Variants in SLC14A2 observed in about 807,000 individuals in gnomAD.
The protein encoded by SLC14A2 is solute carrier family 14 member 2.
A neutral mutation model predicts 104.6 loss-of-function variants in SLC14A2; 91 were observed. The ratio of observed to expected loss-of-function variants is 0.87; its 90% CI spans 0.73 to 1.04. SLC14A2 has a LOEUF of 1.04. Ranked by LOEUF, SLC14A2 falls within the 50% of genes least tolerant of loss-of-function variation. The pLI is 0.00. For missense variants in SLC14A2, 1,189 were observed against 1,156.0 expected, an observed-to-expected ratio of 1.03 and a Z score of -0.41; for synonymous variants, 476 against 466.4, an observed-to-expected ratio of 1.02 and a Z score of -0.27.
chr18:45,297,224 G>T (rs1320305975), intron 1 of SLC14A2, among the ~76,000 whole-genome samples: 1 of 152,176 alleles, frequency 6.6e-6, no homozygotes, highest in Non-Finnish European at 1.5e-5. Context: ...TATTTCTTGA[G>T]GGTACAGCAA....
intron 2 of SLC14A2, among the ~76,000 whole-genome samples, chr18:45,555,537 A>G (rs1363163776): frequency 6.6e-6 from 1 of 152,246 alleles, no homozygotes; most frequent in African/African-American, 2.4e-5. Flanking sequence ...AAAGCTCAAC[A>G]GACTCTTCAT....
intron 1 of SLC14A2, among the ~76,000 whole-genome samples, chr18:45,240,245 T>C (rs926112268): frequency 2.0e-5 from 3 of 151,654 alleles, no homozygotes; most frequent in African/African-American, 7.3e-5. Flanking sequence ...TACAGGCATG[T>C]GCCACCACAC....
At chr18:45,614,751 A>G (rs2045031352), upstream of SLC14A2, 1 of 150,174 alleles carries the variant, frequency 6.7e-6, no homozygotes, top group African/African-American at 2.5e-5. Context: ...CATTTATCCA[A>G]TGCCTCCTGC....
chr18:45,341,272 A>G (rs1324107012), intron 1 of SLC14A2, among the ~76,000 whole-genome samples: 1 of 152,266 alleles, frequency 6.6e-6, no homozygotes, highest in Non-Finnish European at 1.5e-5. Flanking sequence ...CAAAGACCTT[A>G]TAATCGATGG....
intron 1 of SLC14A2, among the ~76,000 whole-genome samples, chr18:45,276,799 G>A (rs993986883): frequency 2.6e-4 from 40 of 152,064 alleles, no homozygotes; most frequent in African/African-American, 7.7e-4. Context: ...TTACTGTACC[G>A]GTGCCCAGGA....
rs111919336 is a variant in SLC14A2, at chr18:45,362,147, C to T, written c.-124-121086C>T. 2.0e-3 allele frequency among the ~76,000 whole-genome samples: 307 copies of T among 152,366 alleles called. 5 individuals are homozygous for T. Among genetic ancestry groups the T allele is most frequent in the African/African-American group, 7.0e-3 (291 of 41,586 alleles). On this transcript the variant is annotated intron_variant, in intron 1 of 20. Coordinates refer to the SLC14A2 transcript ENST00000586448. ...TAGCACTTCTTCACTCACTTGCTCT[C>T]CTGCCAGCTTATGAAGAAGGTACTT...
the SLC14A2 span, among the ~76,000 whole-genome samples, chr18:45,204,716 C>T: frequency 6.6e-6 from 1 of 150,842 alleles, no homozygotes; most frequent in Non-Finnish European, 1.5e-5. Context: ...ATTTATTGGA[C>T]ATATAAGCCA....
chr18:45,263,037 A>AT lies in SLC14A2; in HGVS notation c.-125+49850dup, dbSNP rs1479909024. Among the ~76,000 whole-genome samples the AT allele has an allele frequency of 3.3e-5, 5 of 152,236 alleles. No individual in the cohort carries two copies. In the East Asian group the frequency reaches 9.7e-4, roughly 29 times the overall value. ...GTACAATATTATTCACAAATTCAAG[A>AT]TTTTATTTGAATTTCATCAGTTTTT... is the stretch of plus-strand genomic sequence containing the variant. On this transcript the variant is annotated intron_variant, in intron 1 of 20. Transcript: ENST00000586448.
At chr18:45,469,823 C>T (rs536751234) in intron 1 of SLC14A2, among the ~76,000 whole-genome samples, 1 of 152,158 alleles carries the variant, frequency 6.6e-6, no homozygotes, top group Admixed American at 6.5e-5. Flanking sequence ...TCTGTGAACA[C>T]CTGAAGAGTG....
intron 1 of SLC14A2, among the ~76,000 whole-genome samples, chr18:45,385,701 T>A (rs2085888066): frequency 6.6e-6 from 1 of 152,214 alleles, no homozygotes; most frequent in Admixed American, 6.5e-5. Context: ...GTCTCAGCTA[T>A]AAAATTATTA....
chr18:45,533,700 C>T (rs2043736959), intron 2 of SLC14A2, among the ~76,000 whole-genome samples: 1 of 152,138 alleles, frequency 6.6e-6, no homozygotes, highest in Admixed American at 6.6e-5. Context: ...CTATTTCCTT[C>T]AGTTCTGCTC....
chr18:45,401,434 G>A (rs913779150), intron 1 of SLC14A2, among the ~76,000 whole-genome samples: 1 of 152,152 alleles, frequency 6.6e-6, no homozygotes, highest in Non-Finnish European at 1.5e-5. Context: ...AAAAAGCAAA[G>A]GGGGAGTATG....
chr18:45,624,690 T>C lies in SLC14A2; in HGVS notation c.26T>C (p.Leu9Pro), dbSNP rs1235874105. 2 of 1,613,056 alleles carry C rather than the reference T, an allele frequency of 1.2e-6. No individual in the cohort carries two copies. The highest frequency in any genetic ancestry group is 1.1e-5 in the South Asian group (1 of 90,748). ...ATGTCTGACCCCCACAGCAGTCCTC[T>C]CCTGCCAGAGCCACTTTCCAGCAGA... The part of the protein sequence containing the change: MSDPHSSP[L>P]LPEPLSSRYK... The change falls in exon 2 of 20, where the codon CTC becomes CCC. Residue 9 changes from leucine to proline, a missense_variant. Transcript: ENST00000255226.
chr18:45,491,228 G>A (rs773646914), intron 2 of SLC14A2, among the ~76,000 whole-genome samples: 2 of 152,160 alleles, frequency 1.3e-5, no homozygotes, highest in Non-Finnish European at 2.9e-5. Flanking sequence ...TAGAGCAATG[G>A]GAAAACACTG....
chr18:45,297,079 G>A (rs2084924442), intron 1 of SLC14A2, among the ~76,000 whole-genome samples: 1 of 152,240 alleles, frequency 6.6e-6, no homozygotes, highest in African/African-American at 2.4e-5. Flanking sequence ...AAGGAAAGAA[G>A]GTTGGAAGAT....
intron 10 of SLC14A2, chr18:45,647,124 A>C (rs1318507266): frequency 1.3e-5 from 2 of 152,184 alleles, no homozygotes; most frequent in Non-Finnish European, 2.9e-5. Flanking sequence ...AACACTGATG[A>C]ATTCTATCAG....
intron 2 of SLC14A2, among the ~76,000 whole-genome samples, chr18:45,516,159 C>G (rs937059676): frequency 6.6e-6 from 1 of 152,198 alleles, no homozygotes; most frequent in Non-Finnish European, 1.5e-5. Flanking sequence ...AATATAAACT[C>G]TCCATGATGT....
chr18:45,243,838 G>C (rs1051209039), intron 1 of SLC14A2, among the ~76,000 whole-genome samples: 2 of 152,176 alleles, frequency 1.3e-5, no homozygotes, highest in Admixed American at 1.3e-4. Flanking sequence ...CCCCTGTTCT[G>C]TTACTGTGCT....
At chr18:45,307,616 G>A (rs1290755944) in intron 1 of SLC14A2, among the ~76,000 whole-genome samples, 1 of 151,896 alleles carries the variant, frequency 6.6e-6, no homozygotes, top group Non-Finnish European at 1.5e-5. Context: ...GCACCCCATC[G>A]TGGCTCTCTA....
Sources: allele counts gnomAD v4.1 joint callset (sites outside exome capture counted in the v4.1 genomes callset), GRCh38; gene constraint gnomAD v4.1.1; transcripts MANE v1.5; gene names NCBI Gene and HGNC (gene_info 2026-07-23, HGNC 2026-07-21).